The following RCAN2 variants were observed in gnomAD, a reference collection of about 807,000 sequenced individuals.
RCAN2 encodes calcipressin-2.
RCAN2 carries 9 observed loss-of-function variants against 23.6 expected under a neutral mutation model. The observed-to-expected ratio is 0.38, with a 90% confidence interval of 0.23 to 0.67. The LOEUF (loss-of-function observed/expected upper bound fraction) is 0.67. Among genes scored for constraint, RCAN2 ranks in the 30% least tolerant of loss-of-function variants. The pLI is 0.51. For synonymous variants in RCAN2, 109 were observed against 115.7 expected (o/e 0.94, Z 0.37); for missense variants, 273 against 302.3 (o/e 0.90, Z 0.72).
At chr6:46,488,894 T>C (rs1439531126) in intron 1 of RCAN2, among the ~76,000 whole-genome samples, 3 of 152,224 alleles carry the variant, frequency 2.0e-5, no homozygotes, top group Non-Finnish European at 2.9e-5. Context: ...TGTTTTGGTC[T>C]GTGCCACTCC....
chr6:46,320,916 C>T (rs1335370892), intron 2 of RCAN2, among the ~76,000 whole-genome samples: 1 of 152,136 alleles, frequency 6.6e-6, no homozygotes, highest in Non-Finnish European at 1.5e-5. Context: ...TAAATTATAG[C>T]TTGAGACAGT....
intron 2 of RCAN2, among the ~76,000 whole-genome samples, chr6:46,312,597 G>A (rs1170230986): frequency 1.3e-5 from 2 of 152,116 alleles, no homozygotes; most frequent in Non-Finnish European, 2.9e-5. Flanking sequence ...TAGGTGTAGT[G>A]CCAACAAATA....
At chr6:46,339,787 GC>G (rs1764247641) in intron 2 of RCAN2, among the ~76,000 whole-genome samples, 1 of 152,010 alleles carries the variant, frequency 6.6e-6, no homozygotes, top group South Asian at 2.1e-4. Context: ...AAAATAGAAT[GC>G]AAAGTTGGAA....
intron 2 of RCAN2, among the ~76,000 whole-genome samples, chr6:46,432,857 G>T (rs1346135807): frequency 6.6e-6 from 1 of 152,044 alleles, no homozygotes; most frequent in African/African-American, 2.4e-5. Context: ...CCAGAAAGTG[G>T]GGTATATGCC....
intron 2 of RCAN2, among the ~76,000 whole-genome samples, chr6:46,345,706 G>A (rs999121338): frequency 6.6e-6 from 1 of 152,076 alleles, no homozygotes; most frequent in Non-Finnish European, 1.5e-5. Flanking sequence ...TTGTCTACAG[G>A]CTGGATAACA....
intron 4 of RCAN2, among the ~76,000 whole-genome samples, chr6:46,239,356 T>A (rs1471328229): frequency 6.6e-6 from 1 of 152,234 alleles, no homozygotes; most frequent in African/African-American, 2.4e-5. Flanking sequence ...TGTAACCTTT[T>A]TTCTCTCTGA....
intron 2 of RCAN2, among the ~76,000 whole-genome samples, chr6:46,278,709 CAT>C (rs1767797808): frequency 6.6e-6 from 1 of 152,188 alleles, no homozygotes; most frequent in East Asian, 1.9e-4. Context: ...TTGACATTGA[CAT>C]CTTTGTATTG....
rs570785962 is a variant in RCAN2, at chr6:46,224,946, T to A, written c.572-1645A>T. ...TCCCTCCCCCCCTTCCCCCACCCCATGACAGGCCCCAGTGTGTGATGTTCC... is the reference window on the plus strand; with the variant it reads ...TCCCTCCCCCCCTTCCCCCACCCCAAGACAGGCCCCAGTGTGTGATGTTCC... On this transcript the variant is annotated intron_variant, in intron 4 of 4. Transcript: ENST00000371374. Among the ~76,000 whole-genome samples, 491 of 127,316 alleles carry A rather than the reference T, an allele frequency of 3.9e-3. 2 individuals are homozygous for A. Among genetic ancestry groups the A allele is most frequent in the African/African-American group, 0.013 (456 of 33,904 alleles). 83.5% of individuals were successfully genotyped at this position (127,316 alleles called of 152,430 possible).
At chr6:46,292,394 C>A (rs1323303297) in intron 2 of RCAN2, among the ~76,000 whole-genome samples, 1 of 148,508 alleles carries the variant, frequency 6.7e-6, no homozygotes, top group Non-Finnish European at 1.5e-5. Flanking sequence ...ATTATGCTAT[C>A]CTTTTGCCAT....
chr6:46,279,683 T>A (rs1289693260), intron 2 of RCAN2, among the ~76,000 whole-genome samples: 1 of 152,208 alleles, frequency 6.6e-6, no homozygotes, highest in Non-Finnish European at 1.5e-5. Context: ...CTATAAACAT[T>A]GGCTTGGTTA....
intron 2 of RCAN2, among the ~76,000 whole-genome samples, chr6:46,335,446 G>A (rs1764110723): frequency 6.6e-6 from 1 of 152,152 alleles, no homozygotes; most frequent in Non-Finnish European, 1.5e-5. Context: ...AAAAAGTCCT[G>A]TTCAATACAC....
chr6:46,261,816 AAT>A (rs1767118873), intron 2 of RCAN2, among the ~76,000 whole-genome samples: 2 of 152,222 alleles, frequency 1.3e-5, no homozygotes, highest in South Asian at 4.1e-4. Context: ...GTAAAGGTTT[AAT>A]CATGTCCTTT....
chr6:46,295,953 G>A (rs1022179104), intron 2 of RCAN2, among the ~76,000 whole-genome samples: 3 of 151,058 alleles, frequency 2.0e-5, no homozygotes, highest in Non-Finnish European at 4.4e-5. Flanking sequence ...ACAGAAATGA[G>A]CAAACTTTTT....
At chr6:46,418,502 G>A (rs1452993128) in intron 2 of RCAN2, among the ~76,000 whole-genome samples, 2 of 151,496 alleles carry the variant, frequency 1.3e-5, no homozygotes, top group East Asian at 1.9e-4. Flanking sequence ...TAATGACTAC[G>A]TGGATCTTTT....
At chr6:46,230,576 C>A (rs1765848844) in intron 4 of RCAN2, among the ~76,000 whole-genome samples, 2 of 152,322 alleles carry the variant, frequency 1.3e-5, no homozygotes, top group Middle Eastern at 3.4e-3. Flanking sequence ...CCCTCCAAGC[C>A]AGGCACAGGA....
At chr6:46,304,887 G>A (rs1489580386) in intron 2 of RCAN2, among the ~76,000 whole-genome samples, 1 of 152,112 alleles carries the variant, frequency 6.6e-6, no homozygotes, top group Non-Finnish European at 1.5e-5. Flanking sequence ...TAGAACGGGG[G>A]GTGCCCAGTA....
chr6:46,244,971 T>G (rs944621219), intron 4 of RCAN2, among the ~76,000 whole-genome samples: 1 of 152,186 alleles, frequency 6.6e-6, no homozygotes, highest in African/African-American at 2.4e-5. Context: ...TGAATGACTG[T>G]GGGAAAGGGC....
intron 1 of RCAN2, among the ~76,000 whole-genome samples, chr6:46,470,515 A>G (rs1481801673): frequency 6.6e-6 from 1 of 152,174 alleles, no homozygotes; most frequent in Admixed American, 6.5e-5. Flanking sequence ...TTGAGGAACT[A>G]TTGCCATTTG....
intron 2 of RCAN2, among the ~76,000 whole-genome samples, chr6:46,375,841 T>C (rs1292032575): frequency 6.6e-6 from 1 of 152,272 alleles, no homozygotes; most frequent in Non-Finnish European, 1.5e-5. Context: ...AATTTTCATA[T>C]GTTATTAAAT....
Sources: gnomAD v4.1 joint callset for allele counts (sites outside exome capture counted in the v4.1 genomes callset) on GRCh38, gnomAD v4.1.1 for gene constraint, MANE v1.5 for transcripts, NCBI Gene and HGNC (gene_info 2026-07-23, HGNC 2026-07-21) for gene names.